The following CTNND2 variants were observed in gnomAD, a reference collection of about 807,000 sequenced individuals.
CTNND2 encodes the protein catenin delta 2.
A neutral mutation model predicts 144.4 loss-of-function variants in CTNND2; 22 were observed. The ratio of observed to expected loss-of-function variants is 0.15; its 90% CI spans 0.11 to 0.22. The LOEUF is 0.22. Among genes scored for constraint, CTNND2 ranks in the 10% least tolerant of loss-of-function variants. The pLI is 1.00. For synonymous variants in CTNND2, 751 were observed against 695.6 expected (o/e 1.08, Z -1.25); for missense variants, 1,353 against 1,618.8 (o/e 0.84, Z 2.82).
chr5:11,860,696 A>G (rs1795459663), intron 1 of CTNND2, among the ~76,000 whole-genome samples: 1 of 152,216 alleles, frequency 6.6e-6, no homozygotes, highest in Admixed American at 6.5e-5. Flanking sequence ...GGTACCAATT[A>G]GAACTTTTAC....
intron 12 of CTNND2, among the ~76,000 whole-genome samples, chr5:11,157,279 C>T (rs573844125): frequency 4.2e-4 from 64 of 152,350 alleles, no homozygotes; most frequent in Admixed American, 1.1e-3. Context: ...CGCTGGGTAG[C>T]GAGTGCTGGC....
rs537679265 is a variant in CTNND2, at chr5:11,261,727, A to G, written c.1629-24904T>C. Among the ~76,000 whole-genome samples, 6 of 152,348 alleles carry G rather than the reference A, an allele frequency of 3.9e-5. No homozygotes were observed. In the East Asian group the frequency reaches 1.2e-3, roughly 29 times the overall value. On this transcript the variant is annotated intron_variant, in intron 9 of 21. Coordinates refer to ENST00000304623, the MANE Select transcript of CTNND2 (RefSeq NM_001332.4). ...TCTTTCTAACCTAAGTTAGAATACT[A>G]TAGTATAACCAACTAGTATTGGTAA...
intron 3 of CTNND2, among the ~76,000 whole-genome samples, chr5:11,504,723 G>A (rs1770856124): frequency 6.6e-6 from 1 of 152,152 alleles, no homozygotes; most frequent in African/African-American, 2.4e-5. Flanking sequence ...CATTTCATGG[G>A]TTTCCTTGAG....
Position 11,187,522 on chromosome 5 carries a change from T to C in CTNND2, c.1975+11926A>G, listed in dbSNP as rs1022540609. On this transcript the variant is annotated intron_variant, in intron 11 of 21. Coordinates refer to ENST00000304623, the MANE Select transcript of CTNND2 (RefSeq NM_001332.4). ...AAACCCTAGAAGAAAACCTAGGCAA[T>C]ACCATTCAGGACATAGGCACGGGTA... Among the ~76,000 whole-genome samples, 5 of 152,240 alleles carry C rather than the reference T, an allele frequency of 3.3e-5. No homozygotes were observed. The South Asian group carries it at 8.3e-4, about 25-fold the overall frequency.
At chr5:11,321,325 A>G (rs1259931749) in intron 9 of CTNND2, among the ~76,000 whole-genome samples, 1 of 152,206 alleles carries the variant, frequency 6.6e-6, no homozygotes, top group Non-Finnish European at 1.5e-5. Flanking sequence ...AATCAACATT[A>G]TACTGTGTTC....
intron 15 of CTNND2, among the ~76,000 whole-genome samples, chr5:11,094,991 T>A (rs1235879235): frequency 6.6e-6 from 1 of 152,218 alleles, no homozygotes; most frequent in Non-Finnish European, 1.5e-5. Context: ...ATGCACAGAT[T>A]TATTGTGCTG....
chr5:11,720,555 C>A (rs1786611669), intron 2 of CTNND2, among the ~76,000 whole-genome samples: 1 of 152,100 alleles, frequency 6.6e-6, no homozygotes, highest in Non-Finnish European at 1.5e-5. Context: ...ACCCGACCAC[C>A]CACAATTTGC....
intron 20 of CTNND2, among the ~76,000 whole-genome samples, chr5:10,983,792 G>C (rs2149489144): frequency 6.6e-6 from 1 of 152,220 alleles, no homozygotes; most frequent in South Asian, 2.1e-4. Context: ...TTCTCTGCTT[G>C]TAATGCTCCA....
At chr5:11,854,081 T>C (rs1275000683) in intron 1 of CTNND2, among the ~76,000 whole-genome samples, 1 of 152,164 alleles carries the variant, frequency 6.6e-6, no homozygotes, top group East Asian at 1.9e-4. Flanking sequence ...CCTCCCTCTA[T>C]TCTCCTTCCA....
At chr5:11,819,206 G>A (rs776334029) in intron 1 of CTNND2, among the ~76,000 whole-genome samples, 15 of 152,304 alleles carry the variant, frequency 9.8e-5, no homozygotes, top group East Asian at 3.9e-4. Context: ...GGCTGAGGCC[G>A]GCGGATCACT....
intron 14 of CTNND2, among the ~76,000 whole-genome samples, chr5:11,105,903 G>A (rs186216829): frequency 3.3e-5 from 5 of 152,252 alleles, no homozygotes; most frequent in Non-Finnish European, 7.4e-5. Context: ...CAAGAGGAAC[G>A]GGCGGCAGCT....
At chr5:11,843,315 A>G (rs1794569682) in intron 1 of CTNND2, among the ~76,000 whole-genome samples, 1 of 142,388 alleles carries the variant, frequency 7.0e-6, no homozygotes, top group Non-Finnish European at 1.5e-5. Flanking sequence ...AGAGAATGAG[A>G]GGTGGACACC....
intron 2 of CTNND2, among the ~76,000 whole-genome samples, chr5:11,612,555 A>G (rs748554412): frequency 2.0e-4 from 30 of 152,206 alleles, no homozygotes; most frequent in Admixed American, 7.2e-4. Flanking sequence ...TGAAAGCAAC[A>G]GCATTAAAAA....
At chr5:11,642,109 T>G (rs1782098516) in intron 2 of CTNND2, among the ~76,000 whole-genome samples, 1 of 151,862 alleles carries the variant, frequency 6.6e-6, no homozygotes, top group African/African-American at 2.4e-5. Flanking sequence ...ACCCACGGAG[T>G]TTTGAGAACA....
chr5:11,116,241 A>T (rs1201149976), intron 13 of CTNND2, among the ~76,000 whole-genome samples: 3 of 152,208 alleles, frequency 2.0e-5, no homozygotes, highest in East Asian at 1.9e-4. Context: ...AACCAGGGCC[A>T]ATTTTGCTCC....
intron 9 of CTNND2, among the ~76,000 whole-genome samples, chr5:11,250,491 C>CTCTCTCTCTCTATATATATATATATA (rs869141186): frequency 1.6e-5 from 1 of 64,118 alleles, no homozygotes; most frequent in Non-Finnish European, 2.5e-5. Context: ...CTCTCTCTCT[C>CTCTCTCTCTCTATATATATATATATA]TATATATATA....
rs191026317 is a variant in CTNND2, at chr5:11,426,076, C to T, written c.288-14007G>A. On this transcript the variant is annotated intron_variant, in intron 3 of 21. Coordinates refer to ENST00000304623, the MANE Select transcript of CTNND2 (RefSeq NM_001332.4). The stretch of plus-strand genomic sequence containing the variant: ...TCTCAGTAATTTTCTATCCATTGAC[C>T]CCCACCCTCCTCCTTGGCTATAAAT... 4.6e-5 allele frequency among the ~76,000 whole-genome samples: 7 copies of T among 152,124 alleles called. No individual in the cohort carries two copies. The East Asian group carries it at 1.2e-3, about 25-fold the overall frequency.
intron 2 of CTNND2, among the ~76,000 whole-genome samples, chr5:11,597,585 T>C (rs1358527897): frequency 6.7e-6 from 1 of 149,066 alleles, no homozygotes; most frequent in African/African-American, 2.4e-5. Flanking sequence ...GGAATATTCT[T>C]TTTTTTTTTT....
intron 3 of CTNND2, among the ~76,000 whole-genome samples, chr5:11,473,614 T>C (rs1767447903): frequency 6.6e-6 from 1 of 152,228 alleles, no homozygotes; most frequent in Non-Finnish European, 1.5e-5. Context: ...TCCATCGCTA[T>C]TCCCAGAAAA....
Sources: allele counts gnomAD v4.1 joint callset (sites outside exome capture counted in the v4.1 genomes callset), GRCh38; gene constraint gnomAD v4.1.1; transcripts MANE v1.5; gene names NCBI Gene and HGNC (gene_info 2026-07-23, HGNC 2026-07-21).